The following STX1A variants were observed in gnomAD, a reference collection of about 807,000 sequenced individuals.
STX1A encodes syntaxin-1A.
STX1A carries 4 observed loss-of-function variants against 37.8 expected under a neutral mutation model. The ratio of observed to expected loss-of-function variants is 0.11; its 90% confidence interval spans 0.05 to 0.24. STX1A has a LOEUF of 0.24. Ranked by LOEUF, STX1A falls within the 10% of genes least tolerant of loss-of-function variation. The pLI is 1.00. For missense variants in STX1A, 251 were observed against 399.9 expected, an observed-to-expected ratio of 0.63 and a Z score of 3.18; for synonymous variants, 135 against 147.4, an observed-to-expected ratio of 0.92 and a Z score of 0.61.
chr7:73,708,593 A>G lies in STX1A; in HGVS notation c.204T>C (p.Asp68=), dbSNP rs2228607. The change falls in exon 3 of 10, where the codon GAT becomes GAC. Residue 68 remains aspartate, a synonymous_variant. Coordinates refer to ENST00000222812, the MANE Select transcript of STX1A (RefSeq NM_004603.4). The stretch of plus-strand genomic sequence containing the variant: ...TCCCCCGCCCCACACACTCACTCTC[A>G]TCGGGGTTGGGGGATGCCAGGATGG... ...HSAILASPNP[D]EKTKEELEEL... is the part of the protein sequence containing the mutation. The G allele has an allele frequency of 0.54, 874,763 of 1,612,352 alleles. 239,418 individuals carry two copies. The highest frequency in any genetic ancestry group is 0.7 in the Middle Eastern group (4,226 of 6,058).
intron 1 of STX1A, among the ~76,000 whole-genome samples, chr7:73,713,904 C>T (rs1354690201): frequency 1.3e-5 from 2 of 152,224 alleles, no homozygotes; most frequent in African/African-American, 2.4e-5. Flanking sequence ...GGGGCACAAA[C>T]TCAAAGGCCC....
chr7:73,701,252 A>G (rs1320839983), intron 8 of STX1A: 1 of 417,894 alleles, frequency 2.4e-6, no homozygotes. Flanking sequence ...ATCCTCAGGC[A>G]TGACAGCTCC....
In STX1A at chr7:73,699,306, C is replaced by G. The variant is rs1284085364; in HGVS notation, c.*1101G>C. The stretch of plus-strand genomic sequence containing the variant: ...GAAGGGGTTGGGGGGAATCGCTGTT[C>G]AAGAAGGCAACACGGACAGTGGTCA... On this transcript the variant is annotated 3_prime_UTR_variant, in exon 10 of 10. Coordinates refer to ENST00000222812, the MANE Select transcript of STX1A (RefSeq NM_004603.4). 3 of 152,660 alleles carry G rather than the reference C, an allele frequency of 2.0e-5. No individual in the cohort carries two copies. Among genetic ancestry groups the G allele is most frequent in the African/African-American group, 4.8e-5 (2 of 41,430 alleles). 9.5% of individuals were successfully genotyped at this position (152,660 alleles called of 1,614,324 possible).
In STX1A at chr7:73,714,582, A is replaced by G. The variant is rs546288621; in HGVS notation, c.30+5020T>C. 1.4e-3 allele frequency among the ~76,000 whole-genome samples: 212 copies of G among 151,768 alleles called. 1 individual carries two copies. The highest frequency in any genetic ancestry group is 4.6e-3 in the African/African-American group (189 of 41,388). On this transcript the variant is annotated intron_variant, in intron 1 of 9. Coordinates refer to ENST00000222812, the MANE Select transcript of STX1A (RefSeq NM_004603.4). The stretch of plus-strand genomic sequence containing the variant: ...CACCTGGCTAATTTTAAATTTGTGT[A>G]GAGATGGTGGTCTCACTATGTTGCT...
At chr7:73,704,797 T>C in intron 4 of STX1A, 1 of 506,428 alleles carries the variant, frequency 2.0e-6, no homozygotes. Flanking sequence ...CCCGAGGCCT[T>C]GGCACTCATG....
Position 73,700,056 on chromosome 7 carries a change from G to A in STX1A, c.*351C>T. 1 of 376,976 alleles carries A rather than the reference G, an allele frequency of 2.7e-6. No individual in the cohort carries two copies. Among genetic ancestry groups the A allele is most frequent in the Non-Finnish European group, 5.0e-6 (1 of 200,672 alleles). 23.4% of individuals were successfully genotyped at this position (376,976 alleles called of 1,614,324 possible). On this transcript the variant is annotated 3_prime_UTR_variant, in exon 10 of 10. Transcript: ENST00000222812. This position sits in a 1 kb window ranked among gnomAD's most constrained non-coding sequence, Gnocchi z 4.4. ...GCAGGTCAGCTGGAGGCGAGGTTAG[G>A]GTCCCCAGGGAAGAGCAGAACCTGG...
rs532490284 is a variant in STX1A, at chr7:73,711,868, C to A, written c.31-2746G>T. Among the ~76,000 whole-genome samples, 11 of 152,300 alleles carry A rather than the reference C, an allele frequency of 7.2e-5. No homozygotes were observed. In the South Asian group the frequency reaches 2.3e-3, roughly 32 times the overall value. The stretch of plus-strand genomic sequence containing the variant: ...GAGACCCCTGGCACCTGTCTGGTGC[C>A]TCTCTTGACCTCAGCTTGCCCATCT... On this transcript the variant is annotated intron_variant, in intron 1 of 9. Transcript: ENST00000222812.
intron 7 of STX1A, 187 bp downstream of exon 7, chr7:73,703,567 TC>T (rs1563569309): frequency 1.3e-6 from 1 of 769,452 alleles, no homozygotes; most frequent in South Asian, 1.5e-5. Flanking sequence ...GGGTCTTGAG[TC>T]CACCTTTGCC....
In STX1A at chr7:73,717,450, G is replaced by A. The variant is rs576158587; in HGVS notation, c.30+2152C>T. Among the ~76,000 whole-genome samples, 5 of 152,206 alleles carry A rather than the reference G, an allele frequency of 3.3e-5. No individual in the cohort carries two copies. In the East Asian group the frequency reaches 7.7e-4, roughly 24 times the overall value. ...CAGGAGACCTGTAGCCCTGCTTCTC[G>A]TCCCGAGAAACTGAATTCTAGGCTT... is the stretch of plus-strand genomic sequence containing the variant. On this transcript the variant is annotated intron_variant, in intron 1 of 9. Transcript: ENST00000222812. This position sits in a 1 kb window ranked among gnomAD's most constrained non-coding sequence, Gnocchi z 4.1.
chr7:73,719,244 G>A (rs1799407483), intron 1 of STX1A, among the ~76,000 whole-genome samples: 1 of 152,120 alleles, frequency 6.6e-6, no homozygotes, highest in Admixed American at 6.5e-5. Flanking sequence ...GGGGCAGTGA[G>A]GGGGCCAGAG....
chr7:73,710,286 A>G (rs1799052508), intron 1 of STX1A, among the ~76,000 whole-genome samples: 1 of 152,224 alleles, frequency 6.6e-6, no homozygotes, highest in Non-Finnish European at 1.5e-5. Flanking sequence ...TCATACCGCC[A>G]GTTGGCCAGG....
intron 1 of STX1A, among the ~76,000 whole-genome samples, chr7:73,713,380 G>A (rs1324147590): frequency 3.9e-5 from 6 of 152,304 alleles, no homozygotes; most frequent in African/African-American, 1.4e-4. Flanking sequence ...TAGGTGATGT[G>A]GCTACCCTGG....
At position 73,705,184 on chromosome 7, in the gene STX1A, C is replaced by G; in HGVS notation, c.249G>C (p.Lys83Asn). The G allele has an allele frequency of 6.2e-7, 1 of 1,613,208 alleles. No homozygotes were observed. Among genetic ancestry groups the G allele is most frequent in the Non-Finnish European group, 8.5e-7 (1 of 1,179,660 alleles). The change falls in exon 4 of 10, where the codon AAG becomes AAC. Residue 83 changes from lysine to asparagine, a missense_variant. Coordinates refer to ENST00000222812, the MANE Select transcript of STX1A (RefSeq NM_004603.4). The surrounding 1 kb of genome is among the most constrained non-coding windows in gnomAD (Gnocchi z 5.2). Reference protein sequence around the residue: ...EELEELMSDIKKTANKVRSKL... With the variant: ...EELEELMSDINKTANKVRSKL... ...TGGAACGAACTTTGTTTGCTGTCTT[C>G]TTTATGTCGGACATGAGTTCTTCCA... is the stretch of plus-strand genomic sequence containing the variant.
intron 3 of STX1A, 54 bp downstream of exon 3, chr7:73,708,535 C>T: frequency 6.5e-7 from 1 of 1,549,222 alleles, no homozygotes; most frequent in Non-Finnish European, 8.8e-7. Flanking sequence ...CTGGCAGCAG[C>T]CCCTTCCCGA....
chr7:73,715,405 T>C (rs1442258278), intron 1 of STX1A, among the ~76,000 whole-genome samples: 2 of 150,794 alleles, frequency 1.3e-5, no homozygotes, highest in African/African-American at 4.9e-5. Flanking sequence ...CTGGAGACAG[T>C]GCGAGACTCC....
chr7:73,717,810 G>A lies in STX1A; in HGVS notation c.30+1792C>T, dbSNP rs1428518429. Among the ~76,000 whole-genome samples the A allele has an allele frequency of 4.6e-5, 7 of 152,106 alleles. No individual in the cohort carries two copies. Among genetic ancestry groups the A allele is most frequent in the Admixed American group, 3.9e-4 (6 of 15,278 alleles). On this transcript the variant is annotated intron_variant, in intron 1 of 9. Transcript: ENST00000222812. The surrounding 1 kb of genome is among the most constrained non-coding windows in gnomAD (Gnocchi z 4.1). Reference sequence around the variant, plus strand: ...AGAGCAAAAAGATCTGGGTTCAAACGCTTCACAACCCCAGCTCCACTGGCT... The same window carrying A: ...AGAGCAAAAAGATCTGGGTTCAAACACTTCACAACCCCAGCTCCACTGGCT...
In STX1A at chr7:73,717,784, C is replaced by A. The variant is rs1799341485; in HGVS notation, c.30+1818G>T. 6.6e-6 allele frequency among the ~76,000 whole-genome samples: 1 copy of A among 152,184 alleles called. No individual in the cohort carries two copies. Among genetic ancestry groups the A allele is most frequent in the South Asian group, 2.1e-4 (1 of 4,832 alleles). On this transcript the variant is annotated intron_variant, in intron 1 of 9. Coordinates refer to ENST00000222812, the MANE Select transcript of STX1A (RefSeq NM_004603.4). This position sits in a 1 kb window ranked among gnomAD's most constrained non-coding sequence, Gnocchi z 4.1. ...AGGAGGTAGTAACAGAGACAGACAT[C>A]AGAGCAAAAAGATCTGGGTTCAAAC... is the stretch of plus-strand genomic sequence containing the variant.
In STX1A at chr7:73,700,944, A is replaced by AG. The variant is rs34163730; in HGVS notation, c.679-105dup. 16 of 1,550,254 alleles carry AG rather than the reference A, an allele frequency of 1.0e-5. No individual in the cohort carries two copies. The highest frequency in any genetic ancestry group is 5.8e-5 in the Admixed American group (3 of 52,036). On this transcript the variant is annotated intron_variant, in intron 8 of 9. Transcript: ENST00000222812. The surrounding 1 kb of genome is among the most constrained non-coding windows in gnomAD (Gnocchi z 4.4). Reference sequence around the variant, plus strand: ...AAGCACCCTGAGGCTAGAGACAAAAAGGGGGCGTGAGGAGGTTAGGGTACA... The same window carrying AG: ...AAGCACCCTGAGGCTAGAGACAAAAAGGGGGGCGTGAGGAGGTTAGGGTACA...
In STX1A at chr7:73,705,020, A is replaced by G. The variant is rs1798819568; in HGVS notation, c.283+130T>C. Reference sequence around the variant, plus strand: ...CCAAGTAGCTGCTGAGTGAATGGGCACATGACGCCACCCTCAGAAAGGAAA... The same window carrying G: ...CCAAGTAGCTGCTGAGTGAATGGGCGCATGACGCCACCCTCAGAAAGGAAA... On this transcript the variant is annotated intron_variant, in intron 4 of 9. Coordinates refer to ENST00000222812, the MANE Select transcript of STX1A (RefSeq NM_004603.4). The surrounding 1 kb of genome is among the most constrained non-coding windows in gnomAD (Gnocchi z 5.2). The G allele has an allele frequency of 4.5e-6, 4 of 896,054 alleles. No individual in the cohort carries two copies. The highest frequency in any genetic ancestry group is 4.4e-5 in the South Asian group (3 of 68,898). 55.5% of individuals were successfully genotyped at this position (896,054 alleles called of 1,614,324 possible).
Sources: allele counts gnomAD v4.1 joint callset (sites outside exome capture counted in the v4.1 genomes callset), GRCh38; gene constraint gnomAD v4.1.1; non-coding constraint Gnocchi (gnomAD v3.1); transcripts MANE v1.5; gene names NCBI Gene and HGNC (gene_info 2026-07-23, HGNC 2026-07-21).